Variants in SEZ6L2 observed in about 807,000 individuals in gnomAD.
SEZ6L2 encodes seizure 6-like protein 2.
Under a neutral mutation model 97.0 loss-of-function variants are expected in SEZ6L2, and 44 were observed. That is an observed-to-expected ratio of 0.45 (90% CI 0.36 to 0.58). The LOEUF (loss-of-function observed/expected upper bound fraction) is 0.58. Ranked by LOEUF, SEZ6L2 falls within the 20% of genes least tolerant of loss-of-function variation. The pLI is 0.00. For synonymous variants in SEZ6L2, 543 were observed against 546.1 expected (o/e 0.99, Z 0.08); for missense variants, 1,086 against 1,233.3 (o/e 0.88, Z 1.79).
At chr16:29,877,231 G>A (rs772380606) in intron 11 of SEZ6L2, 40 bp downstream of exon 11, 10 of 1,500,636 alleles carry the variant, frequency 6.7e-6, no homozygotes, top group Non-Finnish European at 7.1e-6. Context: ...TCTCTGGCCT[G>A]CCCGACCCCT....
At chr16:29,886,678 C>A (rs2068148610) in intron 7 of SEZ6L2, among the ~76,000 whole-genome samples, 1 of 128,032 alleles carries the variant, frequency 7.8e-6, no homozygotes, top group African/African-American at 2.8e-5. Flanking sequence ...GAGACTCCAT[C>A]TTAAAAAAAA....
rs1490760986 is a variant in SEZ6L2 at position 29,895,267 on chromosome 16, T to A, written c.845A>T (p.His282Leu). The A allele has an allele frequency of 6.2e-7, 1 of 1,611,714 alleles. No individual in the cohort carries two copies. Among genetic ancestry groups the A allele is most frequent in the South Asian group, 1.1e-5 (1 of 91,008 alleles). ...RVPRGGGFRI[H>L]YQAYLLSCGF... ...ACCCTCAAACTCCTCACCCTGATAGTGGATCCTGAAGCCACCGCCCCTTGG... is the reference window on the plus strand; with the variant it reads ...ACCCTCAAACTCCTCACCCTGATAGAGGATCCTGAAGCCACCGCCCCTTGG... Residue 282 changes from histidine (H) to leucine (L), a missense_variant, in exon 5 of 18, where the codon CAC becomes CTC. His to Leu is a moderately conservative substitution (Grantham distance 99, BLOSUM62 -3). Coordinates refer to ENST00000617533, the MANE Select transcript of SEZ6L2 (RefSeq NM_001243332.2).
chr16:29,882,300 G>T (rs1413426308), intron 8 of SEZ6L2, among the ~76,000 whole-genome samples: 1 of 151,976 alleles, frequency 6.6e-6, no homozygotes, highest in Non-Finnish European at 1.5e-5. Flanking sequence ...AATGAGGCCA[G>T]ATGCAGTGGC....
In SEZ6L2 at chr16:29,876,475, G is replaced by A. The variant is rs1197880679; in HGVS notation, c.2104+281C>T. 6.6e-6 allele frequency among the ~76,000 whole-genome samples: 1 copy of A among 152,166 alleles called. No individual in the cohort carries two copies. Among genetic ancestry groups the A allele is most frequent in the Non-Finnish European group, 1.5e-5 (1 of 68,026 alleles). ...GGAGGGGTCAGGAGGGGACGGGGCG[G>A]GGCCGTGAGACGAGGAAACAGGGAC... On this transcript the variant is annotated intron_variant, in intron 12 of 17. Transcript: ENST00000617533. The surrounding 1 kb of genome is among the most constrained non-coding windows in gnomAD (Gnocchi z 6.5).
chr16:29,872,704 C>T lies in SEZ6L2; in HGVS notation c.2527+1G>A, dbSNP rs370635536. On this transcript the variant is annotated splice_donor_variant, in intron 15 of 17. Coordinates refer to ENST00000617533, the MANE Select transcript of SEZ6L2 (RefSeq NM_001243332.2). LOFTEE classifies it high-confidence loss of function. ...GGGTCTCCACCTGTGCTCTCACTGA[C>T]CTTCCAGTTTTCGGTTGTCCAGGAG... 83 of 1,613,240 alleles carry T rather than the reference C, an allele frequency of 5.1e-5. No homozygotes were observed. Among genetic ancestry groups the T allele is most frequent in the Non-Finnish European group, 6.7e-5 (79 of 1,179,798 alleles).
At position 29,899,122 on chromosome 16, in the gene SEZ6L2, T is replaced by A; in HGVS notation, c.-103A>T. On this transcript the variant is annotated 5_prime_UTR_variant, in exon 1 of 18. Transcript: ENST00000617533. ...TTTCCCTTTAATTGTTTTTTTTTTT[T>A]TTTTTTTTTTCCTCGTAGGAGTCAG... The A allele has an allele frequency of 1.1e-6, 1 of 876,678 alleles. No homozygotes were observed. Among genetic ancestry groups the A allele is most frequent in the Non-Finnish European group, 1.7e-6 (1 of 578,826 alleles). The allele number at this position is 876,678 out of a possible 1,614,324, so 54.3% of individuals were successfully genotyped here.
intron 5 of SEZ6L2, among the ~76,000 whole-genome samples, chr16:29,890,912 C>T (rs956408558): frequency 3.3e-5 from 5 of 151,292 alleles, no homozygotes; most frequent in Admixed American, 1.3e-4. Flanking sequence ...CGACTCCTGG[C>T]TAATTTTGGT....
In SEZ6L2 at chr16:29,895,703, A is replaced by G. The variant is rs777382660; in HGVS notation, c.651+18T>C. On this transcript the variant is annotated intron_variant, in intron 4 of 17. Coordinates refer to ENST00000617533, the MANE Select transcript of SEZ6L2 (RefSeq NM_001243332.2). ...AAAGGCTTGGAAGCTGCACAGTCAC[A>G]TGCTTTGGTCCAGTTACCTGGATCT... is the stretch of plus-strand genomic sequence containing the variant. 1 of 1,608,938 alleles carries G rather than the reference A, an allele frequency of 6.2e-7. No homozygotes were observed. The highest frequency in any genetic ancestry group is 1.7e-5 in the Admixed American group (1 of 59,108).
chr16:29,887,544 C>G (rs993103940), intron 7 of SEZ6L2, 105 bp downstream of exon 7: 2 of 1,047,178 alleles, frequency 1.9e-6, no homozygotes. Context: ...GATCTCCTGA[C>G]CTTGTGATCC....
At chr16:29,884,325 C>T (rs1567418373) in intron 8 of SEZ6L2, among the ~76,000 whole-genome samples, 3 of 152,110 alleles carry the variant, frequency 2.0e-5, no homozygotes, top group Non-Finnish European at 2.9e-5. Context: ...GAGGAGGTGG[C>T]TTACACCTGT....
At position 29,873,342 on chromosome 16, in the gene SEZ6L2, G is replaced by T. The variant is rs757025552; in HGVS notation, c.2386C>A (p.Arg796Ser). The part of the protein sequence containing the change: ...KHHYQAGESL[R>S]FFCYEGFELI... ...TCAAAGCCCTCATAGCAGAAGAAGC[G>T]CAGAGACTCGCCCGCCTGGTAGTGG... is the stretch of plus-strand genomic sequence containing the variant. The change falls in exon 14 of 18, where the codon CGC (arginine) becomes AGC (serine). Residue 796 changes from arginine (R) to serine (S), a missense_variant. Transcript: ENST00000617533. This position sits in a 1 kb window ranked among gnomAD's most constrained non-coding sequence, Gnocchi z 4.3. 2.0e-5 allele frequency: 33 copies of T among 1,614,124 alleles called. No homozygotes were observed. Among genetic ancestry groups the T allele is most frequent in the Non-Finnish European group, 2.8e-5 (33 of 1,180,056 alleles).
intron 8 of SEZ6L2, among the ~76,000 whole-genome samples, chr16:29,885,052 A>G (rs567695307): frequency 1.4e-5 from 2 of 146,402 alleles, no homozygotes; most frequent in Admixed American, 1.4e-4. Context: ...CTAAAAATAC[A>G]AAAAAATTAG....
Position 29,885,625 on chromosome 16 carries a change from T to C in SEZ6L2, c.1333A>G (p.Thr445Ala), listed in dbSNP as rs767926314. The change falls in exon 8 of 18, where the codon ACA (threonine) becomes GCA (alanine). Residue 445 changes from threonine (T) to alanine (A), a missense_variant. Physicochemically the swap from Thr to Ala is moderately conservative, Grantham distance 58. Coordinates refer to ENST00000617533, the MANE Select transcript of SEZ6L2 (RefSeq NM_001243332.2). ...CTTAACAGCAGGGGATTGGCAGGTG[T>C]CTCTGACAGCAGCTCCACGTAGAGG... ...QSLYVELLSE[T>A]PANPLLLSLR... 2 of 1,613,932 alleles carry C rather than the reference T, an allele frequency of 1.2e-6. No homozygotes were observed. Among genetic ancestry groups the C allele is most frequent in the African/African-American group, 2.7e-5 (2 of 74,896 alleles).
chr16:29,896,499 GA>G (rs2068392721), intron 3 of SEZ6L2, among the ~76,000 whole-genome samples: 1 of 152,002 alleles, frequency 6.6e-6, no homozygotes. Context: ...GGCTGGTCTC[GA>G]ACTCCCGACC....
At chr16:29,878,763 C>CTTTTTTTTTT (rs529820559) in intron 9 of SEZ6L2, among the ~76,000 whole-genome samples, 5 of 127,942 alleles carry the variant, frequency 3.9e-5, no homozygotes, top group African/African-American at 5.8e-5. Flanking sequence ...TTTCTTTTTT[C>CTTTTTTTTTT]TTTTTTTTTT....
intron 8 of SEZ6L2, 125 bp from the exon 9 acceptor site, chr16:29,880,189 G>A: frequency 1.2e-6 from 1 of 825,734 alleles, no homozygotes; most frequent in Non-Finnish European, 1.8e-6. Flanking sequence ...TTTTTAAACA[G>A]TCTTGTGCTG....
chr16:29,891,995 C>T (rs118095740), intron 5 of SEZ6L2, among the ~76,000 whole-genome samples: 8 of 152,284 alleles, frequency 5.3e-5, no homozygotes, highest in South Asian at 2.1e-4. Flanking sequence ...CTGCAATAAA[C>T]GTGCAGATGG....
Position 29,897,996 on chromosome 16 carries a change from AGTT to A in SEZ6L2, c.80-15_80-13del. 6.2e-7 allele frequency: 1 copy of A among 1,612,404 alleles called. No individual in the cohort carries two copies. The highest frequency in any genetic ancestry group is 8.5e-7 in the Non-Finnish European group (1 of 1,179,208). On this transcript the variant is annotated splice_polypyrimidine_tract_variant and intron_variant, in intron 1 of 17. Transcript: ENST00000617533. ...CTTCAGGGGCAGACCTAGGAGGTGA[AGTT>A]GTGTGAGCTTCTCCACTTCCCCACA...
intron 5 of SEZ6L2, among the ~76,000 whole-genome samples, chr16:29,889,270 G>A (rs1468758290): frequency 9.2e-5 from 14 of 151,988 alleles, no homozygotes; most frequent in African/African-American, 1.5e-4. Flanking sequence ...GTAAAACCCC[G>A]TCTCTAAAAA....
Sources: gnomAD v4.1 joint callset for allele counts (sites outside exome capture counted in the v4.1 genomes callset) on GRCh38, gnomAD v4.1.1 for gene constraint, Gnocchi (gnomAD v3.1) non-coding constraint, MANE v1.5 for transcripts, NCBI Gene and HGNC (gene_info 2026-07-23, HGNC 2026-07-21) for gene names.